The following CDKN2B-AS1 variants were observed in gnomAD, a reference collection of about 807,000 sequenced individuals.
CDKN2B-AS1 encodes CDKN2B antisense RNA 1 (non-protein coding).
At chr9:22,057,408 T>C (rs947962051) in intron 4 of CDKN2B-AS1, among the ~76,000 whole-genome samples, 1 of 152,202 alleles carries the variant, frequency 6.6e-6, no homozygotes, top group African/African-American at 2.4e-5. Context: ...TTAATCAAAA[T>C]TAATTAAATA....
At chr9:22,085,720 CAAAAAA>C (rs5896963) in intron 4 of CDKN2B-AS1, among the ~76,000 whole-genome samples, 5 of 117,880 alleles carry the variant, frequency 4.2e-5, no homozygotes, top group Admixed American at 8.7e-5. Flanking sequence ...GACTCCGTCT[CAAAAAA>C]AAAAAAAAAA....
intron 1 of CDKN2B-AS1, chr9:22,030,933 C>T (rs1392571781): frequency 6.6e-6 from 1 of 152,060 alleles, no homozygotes; most frequent in Non-Finnish European, 1.5e-5. Flanking sequence ...TTCAAGGGGT[C>T]ATTTCTTTCA....
At chr9:22,107,750 T>G (rs1171167292) in intron 4 of CDKN2B-AS1, among the ~76,000 whole-genome samples, 1 of 152,180 alleles carries the variant, frequency 6.6e-6, no homozygotes, top group African/African-American at 2.4e-5. Flanking sequence ...GATAAGAGAT[T>G]AGTGTCATGA....
chr9:22,089,703 G>T (rs1020983026), intron 4 of CDKN2B-AS1, among the ~76,000 whole-genome samples: 1 of 151,950 alleles, frequency 6.6e-6, no homozygotes, highest in African/African-American at 2.4e-5. Flanking sequence ...TCCTACCTCA[G>T]CCTCCCAAAG....
chr9:22,013,898 C>G (rs1821624036), intron 1 of CDKN2B-AS1, among the ~76,000 whole-genome samples: 1 of 151,230 alleles, frequency 6.6e-6, no homozygotes, highest in African/African-American at 2.4e-5. Flanking sequence ...TAACATTTTT[C>G]TTTGTCATTT....
chr9:22,119,193 G>C (rs1325602749), intron 4 of CDKN2B-AS1: 1 of 151,974 alleles, frequency 6.6e-6, no homozygotes, highest in Non-Finnish European at 1.5e-5. Flanking sequence ...ATAGTACACT[G>C]TGTCTGGCAT....
At position 22,006,311 on chromosome 9, in the gene CDKN2B-AS1, G is replaced by A. The variant is rs967786014; in HGVS notation, n.29+11150G>A. ...GCAGGTATGGGAGATGCCGGCCGGG[G>A]CAAGGCAGGTGGAGCCATTTAAAGA... On this transcript the variant is annotated intron_variant and non_coding_transcript_variant, in intron 1 of 4. Transcript: ENST00000650946. This position sits in a 1 kb window ranked among gnomAD's most constrained non-coding sequence, Gnocchi z 6.4. 1.1e-5 allele frequency: 17 copies of A among 1,593,988 alleles called. No individual in the cohort carries two copies. In the African/African-American group the frequency reaches 1.9e-4, roughly 18 times the overall value.
intron 1 of CDKN2B-AS1, chr9:22,032,589 A>AT (rs1563934902): frequency 6.6e-6 from 1 of 151,666 alleles, no homozygotes; most frequent in African/African-American, 2.4e-5. Flanking sequence ...TTGAGTTTTC[A>AT]TTTTTTTATT....
intron 1 of CDKN2B-AS1, chr9:22,033,086 G>A (rs1038018027): frequency 1.2e-4 from 18 of 152,184 alleles, no homozygotes; most frequent in Non-Finnish European, 1.5e-5. Flanking sequence ...GCACACGCAA[G>A]GGATCTAGGT....
intron 4 of CDKN2B-AS1, among the ~76,000 whole-genome samples, chr9:22,062,658 G>C (rs960389975): frequency 6.6e-6 from 1 of 151,996 alleles, no homozygotes. Flanking sequence ...TTTCCCCTAA[G>C]TGAGGTGATA....
rs756851326 is a variant in CDKN2B-AS1 at position 22,076,068 on chromosome 9, T to TA, written n.438+19681_438+19682insA. On this transcript the variant is annotated intron_variant and non_coding_transcript_variant, in intron 4 of 4. Transcript: ENST00000650946. ...GGAGAGGTTTTATTTTATTTTATTT[T>TA]TTTTAATGGAGTCTTGCTCTTGTCA... 8.8e-3 allele frequency among the ~76,000 whole-genome samples: 1,347 copies of TA among 152,266 alleles called. 18 individuals carry two copies. The highest frequency in any genetic ancestry group is 0.011 in the Non-Finnish European group (768 of 68,024).
intron 4 of CDKN2B-AS1, among the ~76,000 whole-genome samples, chr9:22,121,378 A>C (rs1466623839): frequency 1.3e-5 from 2 of 151,314 alleles, no homozygotes; most frequent in African/African-American, 4.9e-5. Flanking sequence ...ACTAAAAAAA[A>C]ACTGTACAAA....
At chr9:22,032,570 C>T (rs1038122576) in intron 1 of CDKN2B-AS1, 1 of 151,962 alleles carries the variant, frequency 6.6e-6, no homozygotes, top group African/African-American at 2.4e-5. Context: ...CATTGTTGTC[C>T]ATGCCATTTT....
intron 4 of CDKN2B-AS1, chr9:22,096,411 C>T (rs558148324): frequency 9.9e-5 from 15 of 152,244 alleles, no homozygotes; most frequent in Admixed American, 7.8e-4. Context: ...CATGCTCCCT[C>T]CCCTCATTGA....
chr9:22,093,131 G>A (rs1455679375), intron 4 of CDKN2B-AS1, among the ~76,000 whole-genome samples: 1 of 150,700 alleles, frequency 6.6e-6, no homozygotes, highest in East Asian at 2.0e-4. Flanking sequence ...TAGGTGAGCG[G>A]TTTTGAGTGA....
intron 4 of CDKN2B-AS1, among the ~76,000 whole-genome samples, chr9:22,099,451 G>A (rs551448698): frequency 3.3e-5 from 5 of 152,218 alleles, no homozygotes; most frequent in African/African-American, 4.8e-5. Flanking sequence ...AAACTGTTTG[G>A]GAGACTGTTC....
intron 1 of CDKN2B-AS1, among the ~76,000 whole-genome samples, chr9:22,025,080 A>G (rs1425384609): frequency 1.3e-5 from 2 of 152,038 alleles, no homozygotes; most frequent in African/African-American, 4.8e-5. Context: ...TGCTGTAGAC[A>G]CTCCTGCACT....
chr9:22,089,996 G>A (rs1370683148), intron 4 of CDKN2B-AS1, among the ~76,000 whole-genome samples: 1 of 106,990 alleles, frequency 9.3e-6, no homozygotes, highest in Non-Finnish European at 1.7e-5. Flanking sequence ...CCCCACAACA[G>A]GCCCCGGTGT....
chr9:22,012,513 A>G (rs1403874062), intron 1 of CDKN2B-AS1: 3 of 642,640 alleles, frequency 4.7e-6, no homozygotes, highest in African/African-American at 3.6e-5. Flanking sequence ...CACACCAACA[A>G]CCTGCACCCC....
Sources: gnomAD v4.1 joint callset for allele counts (sites outside exome capture counted in the v4.1 genomes callset) on GRCh38, gnomAD v4.1.1 for gene constraint, Gnocchi (gnomAD v3.1) non-coding constraint, MANE v1.5 for transcripts, NCBI Gene and HGNC (gene_info 2026-07-23, HGNC 2026-07-21) for gene names.